TM9SF2: variants seen among roughly 807,000 people sequenced by gnomAD.
TM9SF2 encodes the protein 76 kDa membrane protein.
A neutral mutation model predicts 84.9 loss-of-function variants in TM9SF2; 13 were observed. That is an observed-to-expected ratio of 0.15 (90% CI 0.10 to 0.24). The LOEUF is 0.24. Among genes scored for constraint, TM9SF2 ranks in the 10% least tolerant of loss-of-function variants. The pLI, the probability that TM9SF2 is intolerant of heterozygous loss-of-function variation, is 1.00. For synonymous variants in TM9SF2, 273 were observed against 285.8 expected (o/e 0.96, Z 0.45); for missense variants, 562 against 818.5 (o/e 0.69, Z 3.82).
At position 99,501,632 on chromosome 13, in the gene TM9SF2, C is replaced by G; in HGVS notation, c.26C>G (p.Ser9Cys). ...ATGAGCGCGAGGCTGCCGGTGTTGT[C>G]TCCACCTCGGTGGCCGCGGCTGTTG... MSARLPVL[S>C]PPRWPRLLLL... The change falls in exon 1 of 17, where the codon TCT becomes TGT. Residue 9 changes from serine (S) to cysteine (C), a missense_variant. Ser to Cys is a moderately radical substitution (Grantham distance 112). Transcript: ENST00000376387. 8 of 1,613,208 alleles carry G rather than the reference C, an allele frequency of 5.0e-6. No homozygotes were observed. The highest frequency in any genetic ancestry group is 6.8e-6 in the Non-Finnish European group (8 of 1,179,616).
chr13:99,535,806 C>T (rs2046231478), intron 4 of TM9SF2, among the ~76,000 whole-genome samples: 1 of 152,128 alleles, frequency 6.6e-6, no homozygotes, highest in Non-Finnish European at 1.5e-5. Context: ...CCGCAGTGTA[C>T]TCTGGGCGCA....
At chr13:99,522,764 G>T (rs767807467) in intron 3 of TM9SF2, among the ~76,000 whole-genome samples, 76 of 152,310 alleles carry the variant, frequency 5.0e-4, no homozygotes, top group Middle Eastern at 6.8e-3. Flanking sequence ...CCCATGGGGA[G>T]GTGTTGCCCT....
chr13:99,520,511 C>G (rs757397770), intron 3 of TM9SF2, among the ~76,000 whole-genome samples: 1 of 152,170 alleles, frequency 6.6e-6, no homozygotes, highest in Non-Finnish European at 1.5e-5. Flanking sequence ...TCTAGAGACA[C>G]TCTCCGTTAG....
At chr13:99,536,310 T>C (rs1428916237) in intron 4 of TM9SF2, among the ~76,000 whole-genome samples, 1 of 151,830 alleles carries the variant, frequency 6.6e-6, no homozygotes, top group Admixed American at 6.6e-5. Flanking sequence ...TTTTTTTTTT[T>C]TTCTTTTTTT....
At chr13:99,522,234 T>C (rs2046164054) in intron 3 of TM9SF2, among the ~76,000 whole-genome samples, 1 of 152,198 alleles carries the variant, frequency 6.6e-6, no homozygotes, top group Non-Finnish European at 1.5e-5. Context: ...TTGGCCAAGC[T>C]AGTCTCAAAC....
chr13:99,546,213 AG>A (rs894455022), intron 10 of TM9SF2, among the ~76,000 whole-genome samples: 1 of 151,870 alleles, frequency 6.6e-6, no homozygotes, highest in Non-Finnish European at 1.5e-5. Context: ...GGGAAACAAT[AG>A]GGGGGGAAAC....
chr13:99,508,445 C>CACA (rs1566562106), intron 1 of TM9SF2, among the ~76,000 whole-genome samples: 4 of 99,594 alleles, frequency 4.0e-5, no homozygotes, highest in African/African-American at 1.7e-4. Context: ...ACACACACAC[C>CACA]CCAGAGATTC....
At chr13:99,559,035 G>A (rs1475496256) in intron 15 of TM9SF2, among the ~76,000 whole-genome samples, 1 of 152,210 alleles carries the variant, frequency 6.6e-6, no homozygotes, top group African/African-American at 2.4e-5. Context: ...CTGTGAGTAA[G>A]TTGTAAGCTA....
At chr13:99,543,836 A>G in intron 9 of TM9SF2, 27 bp from the exon 10 acceptor site, 1 of 1,611,850 alleles carries the variant, frequency 6.2e-7, no homozygotes, top group Non-Finnish European at 8.5e-7. Context: ...CCATGAGACA[A>G]TCGAACTGAT....
At chr13:99,540,924 A>C in intron 8 of TM9SF2, 131 bp downstream of exon 8, 1 of 763,470 alleles carries the variant, frequency 1.3e-6, no homozygotes, top group Non-Finnish European at 2.1e-6. Flanking sequence ...CCTGGCTTTC[A>C]GCCACTGATT....
intron 13 of TM9SF2, among the ~76,000 whole-genome samples, chr13:99,553,513 T>G (rs2046314144): frequency 6.6e-6 from 1 of 152,206 alleles, no homozygotes; most frequent in Non-Finnish European, 1.5e-5. Flanking sequence ...TGGAAATAAA[T>G]AAAAGTTGAT....
chr13:99,538,042 T>C (rs954089517), intron 6 of TM9SF2, among the ~76,000 whole-genome samples, 179 bp downstream of exon 6: 13 of 152,204 alleles, frequency 8.5e-5, no homozygotes, highest in African/African-American at 1.7e-4. Context: ...CCAATAGTTA[T>C]TTTCCTGTCA....
chr13:99,507,264 CTCT>C (rs1394873892), intron 1 of TM9SF2, among the ~76,000 whole-genome samples: 10 of 152,220 alleles, frequency 6.6e-5, no homozygotes, highest in African/African-American at 9.6e-5. Context: ...ACTCTGAGCA[CTCT>C]TCTTCTTGTT....
At chr13:99,544,031 C>G in intron 10 of TM9SF2, 36 bp downstream of exon 10, 1 of 1,608,200 alleles carries the variant, frequency 6.2e-7, no homozygotes, top group Non-Finnish European at 8.5e-7. Flanking sequence ...GTAGAAAATA[C>G]TTTCTAAATA....
chr13:99,529,118 TC>T, intron 3 of TM9SF2, among the ~76,000 whole-genome samples: 1 of 152,182 alleles, frequency 6.6e-6, no homozygotes, highest in East Asian at 1.9e-4. Context: ...ACTCCAGAAT[TC>T]CTAAGACATG....
chr13:99,526,386 A>G (rs1411663957), intron 3 of TM9SF2, among the ~76,000 whole-genome samples: 1 of 152,238 alleles, frequency 6.6e-6, no homozygotes, highest in Non-Finnish European at 1.5e-5. Context: ...ATGTGAGGAC[A>G]TCTTTGGATG....
At chr13:99,545,166 C>T (rs2046277563) in intron 10 of TM9SF2, among the ~76,000 whole-genome samples, 1 of 152,020 alleles carries the variant, frequency 6.6e-6, no homozygotes, top group South Asian at 2.1e-4. Flanking sequence ...ATATTAAATA[C>T]ATAATACCAC....
In TM9SF2 at chr13:99,563,319, G is replaced by A. The variant is rs915388026; in HGVS notation, c.*561G>A. The A allele has an allele frequency of 6.6e-6, 1 of 152,006 alleles. No homozygotes were observed. The highest frequency in any genetic ancestry group is 1.5e-5 in the Non-Finnish European group (1 of 67,992). The allele number at this position is 152,006 out of a possible 1,614,324, so 9.4% of individuals were successfully genotyped here. A position where few individuals can be genotyped will look rare whatever the true frequency, so the allele number is the denominator to read the frequency against. On this transcript the variant is annotated 3_prime_UTR_variant, in exon 17 of 17. Transcript: ENST00000376387. ...TGACTTCATTATTCCCATGGTATTGGCCTTTTAAACTATGTGCCTCTGAGT... is the reference window on the plus strand; with the variant it reads ...TGACTTCATTATTCCCATGGTATTGACCTTTTAAACTATGTGCCTCTGAGT...
intron 1 of TM9SF2, among the ~76,000 whole-genome samples, chr13:99,513,824 G>A (rs2046123329): frequency 6.6e-6 from 1 of 152,162 alleles, no homozygotes; most frequent in Non-Finnish European, 1.5e-5. Context: ...AAGTTTTATT[G>A]GGCTACAGCC....
Sources: allele counts gnomAD v4.1 joint callset (sites outside exome capture counted in the v4.1 genomes callset), GRCh38; gene constraint gnomAD v4.1.1; transcripts MANE v1.5; gene names NCBI Gene and HGNC (gene_info 2026-07-23, HGNC 2026-07-21).